The following MYO7A variants were observed in gnomAD, a reference collection of about 807,000 sequenced individuals.
The protein encoded by MYO7A is unconventional myosin-VIIa.
Under a neutral mutation model 263.8 loss-of-function variants are expected in MYO7A, and 210 were observed. The observed-to-expected ratio is 0.80, with a 90% CI of 0.71 to 0.89. The LOEUF is 0.89. Ranked by LOEUF, MYO7A falls within the 40% of genes least tolerant of loss-of-function variation. The pLI is 0.00. For synonymous variants in MYO7A, 1,239 were observed against 1,197.3 expected, an observed-to-expected ratio of 1.03 and a Z score of -0.72; for missense variants, 2,820 against 2,968.3, an observed-to-expected ratio of 0.95 and a Z score of 1.16.
intron 2 of MYO7A, among the ~76,000 whole-genome samples, chr11:77,131,540 C>G (rs1006604314): frequency 6.6e-6 from 1 of 152,236 alleles, no homozygotes; most frequent in Non-Finnish European, 1.5e-5. Flanking sequence ...CCTGTTCAAA[C>G]GCCCATTAGA....
intron 26 of MYO7A, among the ~76,000 whole-genome samples, chr11:77,183,495 G>T (rs1158122267): frequency 6.6e-6 from 1 of 152,264 alleles, no homozygotes; most frequent in Non-Finnish European, 1.5e-5. Flanking sequence ...GACCTTTGAG[G>T]CATGGGAGCT....
chr11:77,136,660 T>A (rs1261824069), intron 2 of MYO7A, among the ~76,000 whole-genome samples: 1 of 152,206 alleles, frequency 6.6e-6, no homozygotes, highest in Non-Finnish European at 1.5e-5. Context: ...CCAATCTAGG[T>A]GCATTACGCA....
At chr11:77,136,994 T>C (rs1827131539) in intron 2 of MYO7A, among the ~76,000 whole-genome samples, 1 of 152,228 alleles carries the variant, frequency 6.6e-6, no homozygotes, top group African/African-American at 2.4e-5. Context: ...TCTGAACCTG[T>C]ACTCAGTGAA....
chr11:77,142,850 C>A, intron 3 of MYO7A, 28 bp downstream of exon 3: 1 of 1,551,668 alleles, frequency 6.4e-7, no homozygotes, highest in East Asian at 2.4e-5. Flanking sequence ...TCCTCCTGCC[C>A]CATGCCTTGG....
intron 3 of MYO7A, among the ~76,000 whole-genome samples, chr11:77,146,187 C>G (rs1555053552): frequency 6.6e-6 from 1 of 152,196 alleles, no homozygotes; most frequent in African/African-American, 2.4e-5. Flanking sequence ...AGCGAAGTCA[C>G]AGAGGCCTTT....
chr11:77,211,592 T>C (rs969875522), intron 45 of MYO7A, among the ~76,000 whole-genome samples: 2 of 152,178 alleles, frequency 1.3e-5, no homozygotes, highest in Non-Finnish European at 2.9e-5. Flanking sequence ...TGATACCCTT[T>C]GGTCTGCCTG....
chr11:77,156,830 G>T (rs781888110), intron 6 of MYO7A, 32 bp from the exon 7 acceptor site: 2 of 1,613,932 alleles, frequency 1.2e-6, no homozygotes, highest in South Asian at 2.2e-5. Flanking sequence ...GCGGGAGCGG[G>T]CTTTGCCAGT....
In MYO7A at chr11:77,189,334, G is replaced by A. The variant is rs531432342; in HGVS notation, c.3504-10G>A. On this transcript the variant is annotated splice_polypyrimidine_tract_variant and intron_variant, in intron 27 of 48. Coordinates refer to ENST00000409709, the MANE Select transcript of MYO7A (RefSeq NM_000260.4). Reference sequence around the variant, plus strand: ...GTGATTCCCCCTCCCTTGCCCTGCTGCCTGCCCAGGGACGAGATCTACTGC... The same window carrying A: ...GTGATTCCCCCTCCCTTGCCCTGCTACCTGCCCAGGGACGAGATCTACTGC... 1.8e-5 allele frequency: 29 copies of A among 1,612,874 alleles called. No homozygotes were observed. The African/African-American group carries it at 2.8e-4, about 16-fold the overall frequency.
chr11:77,162,161 A>G lies in MYO7A; in HGVS notation c.1385A>G (p.Gln462Arg). Residue 462 changes from glutamine (Q) to arginine (R), a missense_variant, in exon 13 of 49, where the codon CAG becomes CGG. Transcript: ENST00000409709. Reference sequence around the variant, plus strand: ...ATCAACTTCGCCAATGAGCACCTGCAGCAGTTCTTTGTGCGGCACGTGTTC... The same window carrying G: ...ATCAACTTCGCCAATGAGCACCTGCGGCAGTTCTTTGTGCGGCACGTGTTC... ...LCINFANEHL[Q>R]QFFVRHVFKL... is the part of the protein sequence containing the mutation. 1.9e-6 allele frequency: 3 copies of G among 1,604,416 alleles called. No homozygotes were observed. The highest frequency in any genetic ancestry group is 2.6e-6 in the Non-Finnish European group (3 of 1,175,616).
At chr11:77,146,527 T>C (rs1173351870) in intron 3 of MYO7A, among the ~76,000 whole-genome samples, 2 of 151,444 alleles carry the variant, frequency 1.3e-5, no homozygotes, top group African/African-American at 2.4e-5. Flanking sequence ...TTTTAGAGGG[T>C]TGAATGGGCA....
intron 7 of MYO7A, 133 bp from the exon 8 acceptor site, chr11:77,157,146 C>T: frequency 7.1e-7 from 1 of 1,412,472 alleles, no homozygotes; most frequent in Non-Finnish European, 9.8e-7. Context: ...GCTGGAAATC[C>T]CACCATGAAA....
At chr11:77,143,280 T>C (rs907071731) in intron 3 of MYO7A, among the ~76,000 whole-genome samples, 4 of 152,218 alleles carry the variant, frequency 2.6e-5, no homozygotes, top group African/African-American at 9.6e-5. Flanking sequence ...GACCCATACA[T>C]GAGATCACAC....
At position 77,211,972 on chromosome 11, in the gene MYO7A, G is replaced by A. The variant is rs3819170; in HGVS notation, c.6354+35G>A. On this transcript the variant is annotated intron_variant, in intron 46 of 48. Transcript: ENST00000409709. ...GGGCTTCTCAGAGCAGAGGAGGAGG[G>A]GAACAGGGCATTGATAAAGCACAGA... The A allele has an allele frequency of 0.19, 293,713 of 1,527,808 alleles. 31,276 individuals are homozygous for A. The highest frequency in any genetic ancestry group is 0.39 in the African/African-American group (28,315 of 72,982). 94.6% of individuals were successfully genotyped at this position (1,527,808 alleles called of 1,614,324 possible). A position where few individuals can be genotyped will look rare whatever the true frequency, so the allele number is the denominator to read the frequency against.
At chr11:77,130,702 C>T (rs1555045831) in intron 2 of MYO7A, 50 bp downstream of exon 2, 1 of 1,602,604 alleles carries the variant, frequency 6.2e-7, no homozygotes. Context: ...GGCCATATCC[C>T]CTCATCCATA....
chr11:77,159,515 C>T lies in MYO7A; in HGVS notation c.1072C>T (p.Leu358=), dbSNP rs782247664. The T allele has an allele frequency of 1.9e-6, 3 of 1,613,422 alleles. No homozygotes were observed. Among genetic ancestry groups the T allele is most frequent in the Non-Finnish European group, 2.5e-6 (3 of 1,179,770 alleles). ...FSPSLATAAS[L]LEVNPPDLMS... ...CCCATCGCTGGCCACAGCTGCATCC[C>T]TGCTTGAGGTCAGTGCCTGGCCTCT... The change falls in exon 10 of 49, where the codon CTG becomes TTG. Residue 358 remains leucine (L), a synonymous_variant. Transcript: ENST00000409709.
At position 77,162,306 on chromosome 11, in the gene MYO7A, C is replaced by A; in HGVS notation, c.1530C>A (p.Ile510=). 3 of 1,551,900 alleles carry A rather than the reference C, an allele frequency of 1.9e-6. No homozygotes were observed. The South Asian group carries it at 3.6e-5, about 18-fold the overall frequency. ...ANKPMNIISL[I]DEESKFPKGT... ...AGCCCATGAACATCATCTCCCTCAT[C>A]GATGAGGAGAGCAAGTTCCCCAAGG... Residue 510 remains isoleucine, a synonymous_variant, in exon 13 of 49, where the codon ATC becomes ATA. Transcript: ENST00000409709.
intron 2 of MYO7A, among the ~76,000 whole-genome samples, chr11:77,137,849 AC>A (rs1950966980): frequency 6.6e-6 from 1 of 152,048 alleles, no homozygotes; most frequent in African/African-American, 2.4e-5. Context: ...CCAGAAGGAA[AC>A]TGTATCTGCC....
At chr11:77,175,283 G>A in intron 17 of MYO7A, 89 bp from the exon 18 acceptor site, 1 of 1,224,138 alleles carries the variant, frequency 8.2e-7, no homozygotes, top group South Asian at 1.3e-5. Context: ...AGCTCGGGAA[G>A]AGCCCTGCCT....
intron 44 of MYO7A, among the ~76,000 whole-genome samples, chr11:77,210,247 G>T (rs1957770460): frequency 6.6e-6 from 1 of 152,190 alleles, no homozygotes; most frequent in African/African-American, 2.4e-5. Context: ...TGCTTAAAGG[G>T]CCTGGCTCAT....
Sources: gnomAD v4.1 joint callset for allele counts (sites outside exome capture counted in the v4.1 genomes callset) on GRCh38, gnomAD v4.1.1 for gene constraint, MANE v1.5 for transcripts, NCBI Gene and HGNC (gene_info 2026-07-23, HGNC 2026-07-21) for gene names.